The following ZG16B variants were observed in gnomAD, a reference collection of about 807,000 sequenced individuals.
ZG16B encodes the protein pancreatic adenocarcinoma up-regulated factor.
A neutral mutation model predicts 7.0 loss-of-function variants in ZG16B; 8 were observed. The observed-to-expected ratio is 1.15, with a 90% confidence interval of 0.68 to 2.08. The LOEUF (loss-of-function observed/expected upper bound fraction) is 2.08, where lower values mean the gene tolerates loss of function less well. ZG16B is among the 30% of genes most tolerant of loss of function. The pLI is 0.00. For missense variants in ZG16B, 232 were observed against 211.0 expected (o/e 1.10, Z -0.62); for synonymous variants, 92 against 86.1 (o/e 1.07, Z -0.38).
At chr16:2,831,609 G>C (rs771224657) in intron 3 of ZG16B, among the ~76,000 whole-genome samples, 187 bp from the exon 4 acceptor site, 2 of 152,170 alleles carry the variant, frequency 1.3e-5, no homozygotes, top group Non-Finnish European at 2.9e-5. Context: ...GCTGGGTAAC[G>C]AGCTCAAGAT....
Position 2,832,133 on chromosome 16 carries a change from T to C in ZG16B, c.493T>C (p.Ser165Pro). The part of the protein sequence containing the change: ...TTEPPVNLTY[S>P]ANSPVGR ...TGAGCCACCAGTTAATCTCACATAC[T>C]CAGCAAACTCACCCGTGGGTCGCTA... Residue 165 changes from serine to proline, a missense_variant, in exon 4 of 4, where the codon TCA becomes CCA. Transcript: ENST00000382280. 6.2e-7 allele frequency: 1 copy of C among 1,613,144 alleles called. No individual in the cohort carries two copies. Among genetic ancestry groups the C allele is most frequent in the Non-Finnish European group, 8.5e-7 (1 of 1,179,260 alleles).
At chr16:2,830,979 T>A in intron 3 of ZG16B, 183 bp downstream of exon 3, 1 of 599,870 alleles carries the variant, frequency 1.7e-6, no homozygotes, top group Non-Finnish European at 2.9e-6. Context: ...CCGTCCTCCC[T>A]ACCTTCTCCC....
chr16:2,831,942 C>G lies in ZG16B; in HGVS notation c.302C>G (p.Thr101Ser), dbSNP rs1259251242. ...TTCCTCCGGGGTATGGTCATGTACA[C>G]CAGCAAGGACCGCTATTTCTATTTT... ...QAFLRGMVMY[T>S]SKDRYFYFGK... Residue 101 changes from threonine (T) to serine (S), a missense_variant, in exon 4 of 4, where the codon ACC becomes AGC. Physicochemically the swap from Thr to Ser is moderately conservative, Grantham distance 58 (BLOSUM62 1). Transcript: ENST00000382280. The G allele has an allele frequency of 6.2e-7, 1 of 1,614,136 alleles. No homozygotes were observed. The highest frequency in any genetic ancestry group is 8.5e-7 in the Non-Finnish European group (1 of 1,180,026).
chr16:2,831,085 A>G, intron 3 of ZG16B: 1 of 381,042 alleles, frequency 2.6e-6, no homozygotes. Context: ...GTCAAAGAAG[A>G]CAGGAGGTAA....
Position 2,830,315 on chromosome 16 carries a change from C to T in ZG16B, c.-41C>T. On this transcript the variant is annotated 5_prime_UTR_variant, in exon 1 of 4. Transcript: ENST00000382280. ...AGGGTGCCCGGCACAACCAGACGCC[C>T]AGTCACAGGCGAGGTAAGGTGCTTG... 6.2e-7 allele frequency: 1 copy of T among 1,613,288 alleles called. No individual in the cohort carries two copies. Among genetic ancestry groups the T allele is most frequent in the Non-Finnish European group, 8.5e-7 (1 of 1,179,662 alleles).
At chr16:2,831,584 A>G (rs1481494256) in intron 3 of ZG16B, among the ~76,000 whole-genome samples, 1 of 152,196 alleles carries the variant, frequency 6.6e-6, no homozygotes, top group Non-Finnish European at 1.5e-5. Flanking sequence ...AGACGGGGAA[A>G]CTGAGTCCGG....
At position 2,832,236 on chromosome 16, in the gene ZG16B, C is replaced by T. The variant is rs114516359; in HGVS notation, c.*77C>T. 6.3e-4 allele frequency: 965 copies of T among 1,531,876 alleles called. 3 individuals are homozygous for T. Among genetic ancestry groups the T allele is most frequent in the African/African-American group, 4.5e-3 (324 of 72,492 alleles). 94.9% of individuals were successfully genotyped at this position (1,531,876 alleles called of 1,614,324 possible). ...TGGTACTGGAGTAACTGAGTCGGGA[C>T]GCTGAATCTGAATCCACCAATAAAT... On this transcript the variant is annotated 3_prime_UTR_variant, in exon 4 of 4. Transcript: ENST00000382280.
chr16:2,831,913 A>G lies in ZG16B; in HGVS notation c.273A>G (p.Gln91=). 6.2e-7 allele frequency: 1 copy of G among 1,614,092 alleles called. No homozygotes were observed. Among genetic ancestry groups the G allele is most frequent in the Non-Finnish European group, 8.5e-7 (1 of 1,180,024 alleles). ...TCACAAAAGTCTTTGTCGCCTTCCA[A>G]GCTTTCCTCCGGGGTATGGTCATGT... ...EYITKVFVAF[Q]AFLRGMVMYT... is the part of the protein sequence containing the mutation. The change falls in exon 4 of 4, where the codon CAA becomes CAG. Residue 91 remains glutamine (Q), a synonymous_variant. Coordinates refer to ENST00000382280, the MANE Select transcript of ZG16B (RefSeq NM_145252.3).
chr16:2,831,987 TCTC>T lies in ZG16B; in HGVS notation c.351_353del (p.Ser118del). The T allele has an allele frequency of 6.2e-7, 1 of 1,614,102 alleles. No individual in the cohort carries two copies. The highest frequency in any genetic ancestry group is 8.5e-7 in the Non-Finnish European group (1 of 1,180,014). ...TATTTTGGGAAGCTTGATGGCCAGA[TCTC>T]CTCTGCCTACCCCAGCCAAGAGGGG... On this transcript the variant is annotated inframe_deletion, in exon 4 of 4. Transcript: ENST00000382280.
chr16:2,830,891 T>G, intron 3 of ZG16B, 95 bp downstream of exon 3: 1 of 1,271,550 alleles, frequency 7.9e-7, no homozygotes, highest in East Asian at 2.3e-5. Context: ...CGTGGCCACT[T>G]TTGCCACACA....
intron 3 of ZG16B, 145 bp from the exon 4 acceptor site, chr16:2,831,651 G>T: frequency 1.6e-6 from 2 of 1,216,470 alleles, no homozygotes; most frequent in Non-Finnish European, 2.3e-6. Flanking sequence ...AATCAGGGTT[G>T]GTGACCAGTG....
chr16:2,832,274 G>C lies in ZG16B; in HGVS notation c.*115G>C. 1 of 1,449,678 alleles carries C rather than the reference G, an allele frequency of 6.9e-7. No homozygotes were observed. The highest frequency in any genetic ancestry group is 9.2e-7 in the Non-Finnish European group (1 of 1,082,734). 89.8% of individuals were successfully genotyped at this position (1,449,678 alleles called of 1,614,324 possible). A position where few individuals can be genotyped will look rare whatever the true frequency, so the allele number is the denominator to read the frequency against. ...TCCACCAATAAATAAAGGTTCTGCA[G>C]AATCAGTGCATCCAGGATTGGTCCT... On this transcript the variant is annotated 3_prime_UTR_variant, in exon 4 of 4. Transcript: ENST00000382280.
At chr16:2,830,608 AG>A in intron 2 of ZG16B, 85 bp from the exon 3 acceptor site, 1 of 1,591,404 alleles carries the variant, frequency 6.3e-7, no homozygotes, top group South Asian at 1.1e-5. Flanking sequence ...GTCTGCCTGG[AG>A]GGGTGGGGTC....
intron 3 of ZG16B, 139 bp downstream of exon 3, chr16:2,830,935 C>A: frequency 1.2e-6 from 1 of 800,570 alleles, no homozygotes; most frequent in Non-Finnish European, 2.0e-6. Flanking sequence ...CTGGCTCCCG[C>A]TGATGCTTCC....
chr16:2,832,105 C>T lies in ZG16B; in HGVS notation c.465C>T (p.Thr155=), dbSNP rs371573946. The change falls in exon 4 of 4, where the codon ACC becomes ACT. Residue 155 remains threonine (T), a synonymous_variant. Coordinates refer to ENST00000382280, the MANE Select transcript of ZG16B (RefSeq NM_145252.3). The part of the protein sequence containing the change: ...FEWNYPLEEP[T]TEPPVNLTYS... ...GGAATTATCCACTAGAGGAGCCGAC[C>T]ACTGAGCCACCAGTTAATCTCACAT... 10 of 1,614,008 alleles carry T rather than the reference C, an allele frequency of 6.2e-6. No individual in the cohort carries two copies. In the African/African-American group the frequency reaches 1.1e-4, roughly 17 times the overall value.
Position 2,831,919 on chromosome 16 carries a change from C to A in ZG16B, c.279C>A (p.Phe93Leu). 1 of 1,614,134 alleles carries A rather than the reference C, an allele frequency of 6.2e-7. No individual in the cohort carries two copies. Among genetic ancestry groups the A allele is most frequent in the Non-Finnish European group, 8.5e-7 (1 of 1,180,030 alleles). ...ITKVFVAFQA[F>L]LRGMVMYTSK... ...AAGTCTTTGTCGCCTTCCAAGCTTT[C>A]CTCCGGGGTATGGTCATGTACACCA... The change falls in exon 4 of 4, where the codon TTC becomes TTA. Residue 93 changes from phenylalanine (F) to leucine (L), a missense_variant. Coordinates refer to ENST00000382280, the MANE Select transcript of ZG16B (RefSeq NM_145252.3).
chr16:2,830,317 G>A lies in ZG16B; in HGVS notation c.-39G>A. 1 of 1,613,372 alleles carries A rather than the reference G, an allele frequency of 6.2e-7. No individual in the cohort carries two copies. The highest frequency in any genetic ancestry group is 8.5e-7 in the Non-Finnish European group (1 of 1,179,716). On this transcript the variant is annotated 5_prime_UTR_variant, in exon 1 of 4. Coordinates refer to ENST00000382280, the MANE Select transcript of ZG16B (RefSeq NM_145252.3). ...GGTGCCCGGCACAACCAGACGCCCA[G>A]TCACAGGCGAGGTAAGGTGCTTGGC...
rs1455541794 is a variant in ZG16B at position 2,832,123 on chromosome 16, T to C, written c.483T>C (p.Asn161=). Reference sequence around the variant, plus strand: ...AGCCGACCACTGAGCCACCAGTTAATCTCACATACTCAGCAAACTCACCCG... The same window carrying C: ...AGCCGACCACTGAGCCACCAGTTAACCTCACATACTCAGCAAACTCACCCG... ...LEEPTTEPPV[N]LTYSANSPVG... The change falls in exon 4 of 4, where the codon AAT becomes AAC. Residue 161 remains asparagine (N), a synonymous_variant. Transcript: ENST00000382280. 6.2e-7 allele frequency: 1 copy of C among 1,613,762 alleles called. No individual in the cohort carries two copies. Among genetic ancestry groups the C allele is most frequent in the South Asian group, 1.1e-5 (1 of 91,070 alleles).
At chr16:2,831,498 A>T (rs1462043304) in intron 3 of ZG16B, among the ~76,000 whole-genome samples, 1 of 152,220 alleles carries the variant, frequency 6.6e-6, no homozygotes, top group Non-Finnish European at 1.5e-5. Flanking sequence ...CTTCTGGGTC[A>T]CGGAGACCTG....
Sources: allele counts gnomAD v4.1 joint callset (sites outside exome capture counted in the v4.1 genomes callset), GRCh38; gene constraint gnomAD v4.1.1; transcripts MANE v1.5; gene names NCBI Gene and HGNC (gene_info 2026-07-23, HGNC 2026-07-21).